Variants in HERC4 observed in about 807,000 individuals in gnomAD.
HERC4 encodes probable E3 ubiquitin-protein ligase HERC4.
A neutral mutation model predicts 124.3 loss-of-function variants in HERC4; 28 were observed. The ratio of observed to expected loss-of-function variants is 0.23; its 90% CI spans 0.17 to 0.31. The LOEUF is 0.31. Ranked by LOEUF, HERC4 falls within the 10% of genes least tolerant of loss-of-function variation. The pLI, the probability that HERC4 is intolerant of heterozygous loss-of-function variation, is 1.00. For missense variants in HERC4, 713 were observed against 1,229.3 expected, an observed-to-expected ratio of 0.58 and a Z score of 6.28; for synonymous variants, 407 against 421.5, an observed-to-expected ratio of 0.97 and a Z score of 0.42.
At chr10:68,057,399 G>A (rs1022727522) in intron 3 of HERC4, among the ~76,000 whole-genome samples, 2 of 152,110 alleles carry the variant, frequency 1.3e-5, no homozygotes, top group Non-Finnish European at 2.9e-5. Context: ...GCCAAAGCGG[G>A]TGAATCACAA....
At chr10:68,041,649 T>A (rs1180727267) in intron 4 of HERC4, among the ~76,000 whole-genome samples, 1 of 152,210 alleles carries the variant, frequency 6.6e-6, no homozygotes, top group Non-Finnish European at 1.5e-5. Context: ...ATAAACTACA[T>A]CTTTATTGCC....
At chr10:67,961,929 T>G (rs1354300323) in intron 16 of HERC4, among the ~76,000 whole-genome samples, 1 of 152,192 alleles carries the variant, frequency 6.6e-6, no homozygotes, top group East Asian at 1.9e-4. Flanking sequence ...GTAAACAAGA[T>G]GAAAGTCTTT....
intron 15 of HERC4, among the ~76,000 whole-genome samples, chr10:67,969,602 A>G (rs1182309194): frequency 6.6e-6 from 1 of 152,194 alleles, no homozygotes; most frequent in Admixed American, 6.5e-5. Context: ...AAAAGCCTTC[A>G]GCCACTGAGG....
chr10:67,995,350 T>G, intron 9 of HERC4: 1 of 282,814 alleles, frequency 3.5e-6, no homozygotes, highest in South Asian at 1.8e-5. Flanking sequence ...AAGCATTAGT[T>G]TCTCCCTATT....
intron 14 of HERC4, 116 bp downstream of exon 14, chr10:67,990,095 T>G (rs2036471985): frequency 1.4e-6 from 1 of 696,698 alleles, no homozygotes; most frequent in Admixed American, 3.4e-5. Context: ...GGTTCATTTT[T>G]GCCTAAGACA....
intron 15 of HERC4, among the ~76,000 whole-genome samples, chr10:67,985,760 AT>A (rs2036226109): frequency 6.6e-6 from 1 of 152,208 alleles, no homozygotes; most frequent in Non-Finnish European, 1.5e-5. Context: ...TACCAAAGGT[AT>A]TTTCTTATGA....
intron 3 of HERC4, among the ~76,000 whole-genome samples, chr10:68,060,633 T>C (rs376536363): frequency 1.3e-5 from 2 of 152,192 alleles, no homozygotes; most frequent in Non-Finnish European, 2.9e-5. Context: ...TACCAACTTA[T>C]AATGTGTTCT....
At chr10:67,943,921 G>A (rs550854617) in intron 19 of HERC4, among the ~76,000 whole-genome samples, 114 of 152,300 alleles carry the variant, frequency 7.5e-4, no homozygotes, top group African/African-American at 2.5e-3. Flanking sequence ...ATGCCAGCAC[G>A]GCCACAGTAG....
At chr10:68,018,900 CT>C (rs34948748) in intron 8 of HERC4, among the ~76,000 whole-genome samples, 8,056 of 93,082 alleles carry the variant, frequency 0.087, 194 homozygotes, top group African/African-American at 0.14. Flanking sequence ...CCCCACAAGG[CT>C]TTTTTTTTTT....
intron 15 of HERC4, among the ~76,000 whole-genome samples, chr10:67,980,580 C>T (rs2035869923): frequency 6.6e-6 from 1 of 152,038 alleles, no homozygotes. Context: ...AGGTATAAAA[C>T]TCAATAGTAT....
At chr10:67,970,986 A>G (rs1490940191) in intron 15 of HERC4, among the ~76,000 whole-genome samples, 3 of 152,086 alleles carry the variant, frequency 2.0e-5, no homozygotes, top group Non-Finnish European at 4.4e-5. Flanking sequence ...ATAATAATGA[A>G]TAAACCTACA....
At chr10:68,072,310 G>C (rs2041613652) in intron 3 of HERC4, among the ~76,000 whole-genome samples, 1 of 151,760 alleles carries the variant, frequency 6.6e-6, no homozygotes, top group African/African-American at 2.4e-5. Context: ...TACAAAATCA[G>C]GACACTTCAT....
chr10:67,927,874 T>C (rs2031314059), intron 23 of HERC4, among the ~76,000 whole-genome samples: 1 of 152,162 alleles, frequency 6.6e-6, no homozygotes, highest in South Asian at 2.1e-4. Flanking sequence ...TCTGCCCTCA[T>C]GGTGCTTACA....
intron 9 of HERC4, among the ~76,000 whole-genome samples, chr10:68,002,199 C>T (rs753160715): frequency 2.6e-5 from 4 of 152,056 alleles, no homozygotes; most frequent in Non-Finnish European, 5.9e-5. Context: ...AGTTTATTTA[C>T]AATAAAAAGC....
intron 8 of HERC4, among the ~76,000 whole-genome samples, chr10:68,017,678 G>T (rs1205102542): frequency 1.3e-5 from 2 of 151,954 alleles, no homozygotes; most frequent in African/African-American, 4.8e-5. Flanking sequence ...GTAGAGATGG[G>T]TTTTTTTGCC....
intron 16 of HERC4, chr10:67,960,921 TG>T: frequency 3.1e-6 from 1 of 321,918 alleles, no homozygotes; most frequent in Non-Finnish European, 5.9e-6. Context: ...CAATGTTTAT[TG>T]ACCACTTCTT....
rs190563055 is a variant in HERC4, at chr10:67,959,067, G to A, written c.1927-2091C>T. The A allele has an allele frequency of 8.0e-3, 12,091 of 1,507,438 alleles. 65 individuals carry two copies. Among genetic ancestry groups the A allele is most frequent in the Non-Finnish European group, 9.8e-3 (10,820 of 1,108,726 alleles). The allele number at this position is 1,507,438 out of a possible 1,614,324, so 93.4% of individuals were successfully genotyped here. ...GCTCTTCTATTACTCAGGAGAAAAT[G>A]GAGTATATTTTACTCTAAACATGAG... is the stretch of plus-strand genomic sequence containing the variant. On this transcript the variant is annotated intron_variant, in intron 16 of 24. Coordinates refer to ENST00000373700, the MANE Select transcript of HERC4 (RefSeq NM_015601.4).
At position 67,965,284 on chromosome 10, in the gene HERC4, T is replaced by C. The variant is rs1353143928; in HGVS notation, c.1926+1399A>G. ...CATTTTAATAATACATATTATTAGC[T>C]GGTATTTTTTGCTTTGTTTGACTAT... On this transcript the variant is annotated intron_variant, in intron 16 of 24. Coordinates refer to ENST00000373700, the MANE Select transcript of HERC4 (RefSeq NM_015601.4). The C allele has an allele frequency of 2.0e-5, 3 of 152,198 alleles. No individual in the cohort carries two copies. The East Asian group carries it at 5.8e-4, about 29-fold the overall frequency. 9.4% of individuals were successfully genotyped at this position (152,198 alleles called of 1,614,324 possible).
At chr10:68,051,350 T>A (rs1196009162) in intron 3 of HERC4, among the ~76,000 whole-genome samples, 1 of 112,076 alleles carries the variant, frequency 8.9e-6, no homozygotes, top group African/African-American at 3.8e-5. Context: ...TATTTTTTTT[T>A]TTTTTTTTTT....
Sources: allele counts gnomAD v4.1 joint callset (sites outside exome capture counted in the v4.1 genomes callset), GRCh38; gene constraint gnomAD v4.1.1; transcripts MANE v1.5; gene names NCBI Gene and HGNC (gene_info 2026-07-23, HGNC 2026-07-21).